The following DPP6 variants were observed in gnomAD, a reference collection of about 807,000 sequenced individuals.
DPP6 encodes the protein dipeptidyl peptidase like 6, also known as A-type potassium channel modulatory protein DPP6.
Under a neutral mutation model 122.6 loss-of-function variants are expected in DPP6, and 69 were observed. The observed-to-expected ratio is 0.56, with a 90% CI of 0.46 to 0.69. The LOEUF (loss-of-function observed/expected upper bound fraction) is 0.69, where lower values mean the gene tolerates loss of function less well. Among genes scored for constraint, DPP6 ranks in the 30% least tolerant of loss-of-function variants. DPP6 has a pLI of 0.00. For synonymous variants in DPP6, 418 were observed against 433.1 expected, an observed-to-expected ratio of 0.97 and a Z score of 0.43; for missense variants, 928 against 1,116.9, an observed-to-expected ratio of 0.83 and a Z score of 2.41.
chr7:154,540,537 G>A lies in DPP6; in HGVS notation c.463G>A (p.Glu155Lys). The A allele has an allele frequency of 6.3e-7, 1 of 1,599,258 alleles. No individual in the cohort carries two copies. Among genetic ancestry groups the A allele is most frequent in the Non-Finnish European group, 8.6e-7 (1 of 1,168,778 alleles). Residue 155 changes from glutamate (E) to lysine (K), a missense_variant, in exon 4 of 26, where the codon GAA becomes AAA. Transcript: ENST00000377770. ...DPEAKWISDT[E>K]FIYREQKGTV... ...TTCTACTTCCTCTCTTACAGATACA[G>A]AATTCATCTACAGAGAACAGAAAGG... is the stretch of plus-strand genomic sequence containing the variant.
the DPP6 span, among the ~76,000 whole-genome samples, chr7:153,841,416 A>G: frequency 1.3e-5 from 2 of 152,134 alleles, no homozygotes; most frequent in African/African-American, 4.8e-5. Context: ...TGACTGCCCT[A>G]CCTGCTTTTT....
At chr7:154,613,619 CAAAAAAAAAAAAAAAAAAAAA>C (rs749561005) in intron 5 of DPP6, among the ~76,000 whole-genome samples, 4 of 51,848 alleles carry the variant, frequency 7.7e-5, no homozygotes, top group Non-Finnish European at 9.4e-5. Flanking sequence ...GACTCTGTCT[CAAAAAAAAAAAAAAAAAAAAA>C]AAAAAAAAAA....
At chr7:154,778,248 C>T (rs1198815757) in intron 10 of DPP6, among the ~76,000 whole-genome samples, 1 of 152,058 alleles carries the variant, frequency 6.6e-6, no homozygotes, top group African/African-American at 2.4e-5. Flanking sequence ...TTCCTGTGAG[C>T]ACCATGTGGA....
At chr7:154,697,550 A>T (rs1398026435) in intron 7 of DPP6, among the ~76,000 whole-genome samples, 1 of 152,214 alleles carries the variant, frequency 6.6e-6, no homozygotes, top group African/African-American at 2.4e-5. Context: ...GAAGCCAAGG[A>T]TGGGAAGGAT....
At chr7:154,003,993 A>T (rs962228117) in intron 1 of DPP6, among the ~76,000 whole-genome samples, 1 of 152,302 alleles carries the variant, frequency 6.6e-6, no homozygotes, top group African/African-American at 2.4e-5. Flanking sequence ...ACCATGAAGA[A>T]TTGAGGCCGT....
At chr7:153,981,295 A>G (rs996702540) in intron 1 of DPP6, among the ~76,000 whole-genome samples, 44 of 152,204 alleles carry the variant, frequency 2.9e-4, no homozygotes, top group Non-Finnish European at 4.6e-4. Flanking sequence ...CTTTACCATT[A>G]TGTAATGCCC....
Position 154,443,664 on chromosome 7 carries a change from G to A in DPP6, c.244-2550G>A, listed in dbSNP as rs186202334. 4.4e-5 allele frequency among the ~76,000 whole-genome samples: 6 copies of A among 136,482 alleles called. No homozygotes were observed. In the East Asian group the frequency reaches 1.3e-3, roughly 30 times the overall value. The allele number at this position is 136,482 out of a possible 152,430, so 89.5% of individuals were successfully genotyped here. A position where few individuals can be genotyped will look rare whatever the true frequency, so the allele number is the denominator to read the frequency against. ...GATGGATGGATGTGGATGAATAGATGGATGGATGGATGAGTGGATGGATGG... is the reference window on the plus strand; with the variant it reads ...GATGGATGGATGTGGATGAATAGATAGATGGATGGATGAGTGGATGGATGG... On this transcript the variant is annotated intron_variant, in intron 1 of 25. Coordinates refer to ENST00000377770, the MANE Select transcript of DPP6 (RefSeq NM_130797.4).
chr7:154,107,036 A>G (rs1806212454), intron 1 of DPP6, among the ~76,000 whole-genome samples: 1 of 152,238 alleles, frequency 6.6e-6, no homozygotes, highest in African/African-American at 2.4e-5. Context: ...TCCTTAAAAA[A>G]AAAATCCAAA....
At chr7:154,633,616 A>G (rs1052226503) in intron 5 of DPP6, among the ~76,000 whole-genome samples, 10 of 152,250 alleles carry the variant, frequency 6.6e-5, no homozygotes, top group Non-Finnish European at 1.5e-4. Flanking sequence ...TCTCTAAGGA[A>G]CAAATTCTTT....
chr7:154,085,251 T>C (rs996837008), intron 1 of DPP6, among the ~76,000 whole-genome samples: 22 of 152,224 alleles, frequency 1.4e-4, no homozygotes, highest in African/African-American at 5.3e-4. Flanking sequence ...TATCCAATTC[T>C]CAACTTCTTT....
At chr7:153,809,050 C>T in the DPP6 span, among the ~76,000 whole-genome samples, 1 of 151,936 alleles carries the variant, frequency 6.6e-6, no homozygotes, top group Non-Finnish European at 1.5e-5. Flanking sequence ...CACGTCCCCA[C>T]CAACACTCAT....
chr7:154,417,458 T>C (rs1817123192), intron 1 of DPP6, among the ~76,000 whole-genome samples: 1 of 152,158 alleles, frequency 6.6e-6, no homozygotes, highest in Non-Finnish European at 1.5e-5. Flanking sequence ...GCTCAGGCCA[T>C]TCCCGTAAGC....
At chr7:154,011,430 C>T (rs929093584) in intron 1 of DPP6, among the ~76,000 whole-genome samples, 1 of 152,220 alleles carries the variant, frequency 6.6e-6, no homozygotes, top group East Asian at 1.9e-4. Flanking sequence ...TTCCATTGCA[C>T]AATAGGCAGT....
chr7:154,514,239 G>C (rs552993073), intron 3 of DPP6, among the ~76,000 whole-genome samples: 1 of 152,188 alleles, frequency 6.6e-6, no homozygotes, highest in East Asian at 1.9e-4. Flanking sequence ...TAGCACCACT[G>C]CACTCCAGTC....
intron 1 of DPP6, among the ~76,000 whole-genome samples, chr7:153,946,493 C>T (rs1178122632): frequency 6.6e-6 from 1 of 152,130 alleles, no homozygotes; most frequent in Non-Finnish European, 1.5e-5. Flanking sequence ...CTTTCATTGA[C>T]ATCTTGGTTT....
chr7:153,993,943 G>A (rs570611380), intron 1 of DPP6, among the ~76,000 whole-genome samples: 14 of 152,178 alleles, frequency 9.2e-5, no homozygotes, highest in African/African-American at 1.2e-4. Flanking sequence ...TTGGTTAAGT[G>A]TGTTGCCTGA....
chr7:154,486,293 C>T lies in DPP6; in HGVS notation c.457+11256C>T, dbSNP rs1763406181. ...GGACTACAGGTGTGTGCCACCACGCCCAGCTAATTTTTGTATTTTTAGAAG... is the reference window on the plus strand; with the variant it reads ...GGACTACAGGTGTGTGCCACCACGCTCAGCTAATTTTTGTATTTTTAGAAG... On this transcript the variant is annotated intron_variant, in intron 3 of 25. Transcript: ENST00000377770. The surrounding 1 kb of genome is among the most constrained non-coding windows in gnomAD (Gnocchi z 4.5). 6.6e-6 allele frequency among the ~76,000 whole-genome samples: 1 copy of T among 152,076 alleles called. No homozygotes were observed. The highest frequency in any genetic ancestry group is 2.1e-4 in the South Asian group (1 of 4,826).
chr7:154,270,644 G>A (rs571007606), intron 1 of DPP6, among the ~76,000 whole-genome samples: 5 of 152,138 alleles, frequency 3.3e-5, no homozygotes, highest in Non-Finnish European at 5.9e-5. Context: ...CCCTTAAGGC[G>A]GCAAAGTGTG....
At chr7:154,884,992 TC>T (rs1420354858) in intron 21 of DPP6, 1 of 152,518 alleles carries the variant, frequency 6.6e-6, no homozygotes, top group Non-Finnish European at 1.5e-5. Flanking sequence ...TCCCTCGGGG[TC>T]TTCCCTTCGG....
Sources: gnomAD v4.1 joint callset for allele counts (sites outside exome capture counted in the v4.1 genomes callset) on GRCh38, gnomAD v4.1.1 for gene constraint, Gnocchi (gnomAD v3.1) non-coding constraint, MANE v1.5 for transcripts, NCBI Gene and HGNC (gene_info 2026-07-23, HGNC 2026-07-21) for gene names.